CYP24A1: variants seen among roughly 807,000 people sequenced by gnomAD.
The protein encoded by CYP24A1 is cytochrome P450 family 24 subfamily A member 1, also known as 1,25-dihydroxyvitamin D(3) 24-hydroxylase, mitochondrial.
A neutral mutation model predicts 62.4 loss-of-function variants in CYP24A1; 68 were observed. The ratio of observed to expected loss-of-function variants is 1.09; its 90% CI spans 0.90 to 1.33. CYP24A1 has a LOEUF of 1.33. CYP24A1 is among the 40% of genes most tolerant of loss of function. The probability of loss-of-function intolerance (pLI) is 0.00; values close to 1 mark genes in which losing one functional copy is unlikely to be tolerated. For missense variants in CYP24A1, 787 were observed against 653.0 expected (o/e 1.21, Z -2.24); for synonymous variants, 267 against 253.0 (o/e 1.06, Z -0.52).
chr20:54,166,436 A>G (rs2092672316), intron 4 of CYP24A1, among the ~76,000 whole-genome samples: 3 of 152,102 alleles, frequency 2.0e-5, no homozygotes. Context: ...GAATACCTGA[A>G]TCCCCCGAAC....
chr20:54,148,638 A>AAAAC (rs142609177), downstream of CYP24A1, among the ~76,000 whole-genome samples: 2 of 152,186 alleles, frequency 1.3e-5, no homozygotes, highest in African/African-American at 2.4e-5. Flanking sequence ...ACAACATGTC[A>AAAAC]AAACAAACAA....
chr20:54,155,647 G>T (rs1300822932), intron 11 of CYP24A1, among the ~76,000 whole-genome samples: 1 of 149,580 alleles, frequency 6.7e-6, no homozygotes, highest in Non-Finnish European at 1.5e-5. Flanking sequence ...TGAGGCAGAA[G>T]AATCGCATGA....
At chr20:54,159,708 A>G (rs2092643419) in intron 7 of CYP24A1, among the ~76,000 whole-genome samples, 1 of 152,216 alleles carries the variant, frequency 6.6e-6, no homozygotes. Flanking sequence ...AGTTTGACGC[A>G]ATAATTGTTC....
At chr20:54,152,232 T>C (rs1479280519), downstream of CYP24A1, among the ~76,000 whole-genome samples, 1 of 152,170 alleles carries the variant, frequency 6.6e-6, no homozygotes, top group Non-Finnish European at 1.5e-5. Context: ...ACATGTAAAG[T>C]CTAGAAGTAT....
intron 4 of CYP24A1, 150 bp from the exon 5 acceptor site, chr20:54,165,983 G>C: frequency 2.4e-5 from 16 of 679,640 alleles, no homozygotes; most frequent in Admixed American, 9.5e-5. Context: ...TTGAGGAAAA[G>C]CAGAGTCTGA....
intron 8 of CYP24A1, among the ~76,000 whole-genome samples, 199 bp downstream of exon 8, chr20:54,158,758 C>T (rs2092638895): frequency 6.6e-6 from 1 of 152,148 alleles, no homozygotes; most frequent in Admixed American, 6.5e-5. Context: ...CACTGGCTTT[C>T]CAAGATTTAA....
chr20:54,152,816 G>A (rs1195403394), downstream of CYP24A1, among the ~76,000 whole-genome samples: 2 of 152,174 alleles, frequency 1.3e-5, no homozygotes, highest in Non-Finnish European at 2.9e-5. Flanking sequence ...GATGAGGCAT[G>A]ATCAGGTTTG....
chr20:54,157,610 T>G (rs753050813), intron 9 of CYP24A1, 25 bp from the exon 10 acceptor site: 1 of 1,345,424 alleles, frequency 7.4e-7, no homozygotes, highest in Non-Finnish European at 1.1e-6. Context: ...AGACACATAG[T>G]ATTTAAAATA....
At chr20:54,148,798 A>G (rs1209489748), downstream of CYP24A1, among the ~76,000 whole-genome samples, 2 of 152,216 alleles carry the variant, frequency 1.3e-5, no homozygotes, top group African/African-American at 4.8e-5. Flanking sequence ...GCTCGCACTG[A>G]CATAAATAGA....
At chr20:54,171,799 A>G (rs1156453089) in intron 2 of CYP24A1, 129 bp from the exon 3 acceptor site, 3 of 1,562,198 alleles carry the variant, frequency 1.9e-6, no homozygotes, top group South Asian at 1.2e-5. Flanking sequence ...AGAAATAGCC[A>G]GAGAATATTA....
In CYP24A1 at chr20:54,173,847, A is replaced by C; in HGVS notation, c.-268T>G. 3.7e-6 allele frequency: 2 copies of C among 536,938 alleles called. No homozygotes were observed. The highest frequency in any genetic ancestry group is 3.2e-5 in the Admixed American group (1 of 31,400). 33.3% of individuals were successfully genotyped at this position (536,938 alleles called of 1,614,324 possible). A position where few individuals can be genotyped will look rare whatever the true frequency, so the allele number is the denominator to read the frequency against. On this transcript the variant is annotated 5_prime_UTR_variant, in exon 1 of 12. Coordinates refer to ENST00000216862, the MANE Select transcript of CYP24A1 (RefSeq NM_000782.5). The surrounding 1 kb of genome is among the most constrained non-coding windows in gnomAD (Gnocchi z 7.2). ...GGAAGAGGGTGGCCGGTGTCTGGGG[A>C]CCTCTTGAAAAGGGAAAGCTGGGAG...
At position 54,164,548 on chromosome 20, in the gene CYP24A1, CA is replaced by C; in HGVS notation, c.747del (p.Phe249LeufsTer4). ...TCGACTGGAGTGACCATCATCCTCC[CA>C]AACGTGCTCATCATCTGAGAGAAAT... ...IMAIKTMMST[F>X]GRMMVTPVEL... On this transcript the variant is annotated frameshift_variant, in exon 6 of 12. Transcript: ENST00000216862. LOFTEE classifies it high-confidence loss of function. 6.2e-7 allele frequency: 1 copy of C among 1,614,192 alleles called. No homozygotes were observed. The highest frequency in any genetic ancestry group is 1.3e-5 in the African/African-American group (1 of 75,046).
intron 10 of CYP24A1, 36 bp from the exon 11 acceptor site, chr20:54,157,325 C>T: frequency 6.8e-7 from 1 of 1,474,808 alleles, no homozygotes; most frequent in South Asian, 1.1e-5. Flanking sequence ...AGAATTACCC[C>T]TCTCTTCTTC....
chr20:54,170,617 A>G (rs2092690720), intron 3 of CYP24A1, among the ~76,000 whole-genome samples: 1 of 152,238 alleles, frequency 6.6e-6, no homozygotes, highest in Admixed American at 6.5e-5. Flanking sequence ...TACTAGTTTA[A>G]AAATGTAAAT....
downstream of CYP24A1, among the ~76,000 whole-genome samples, chr20:54,148,801 T>TA (rs1399876917): frequency 1.3e-5 from 2 of 152,118 alleles, no homozygotes; most frequent in Non-Finnish European, 2.9e-5. Context: ...CGCACTGACA[T>TA]AAATAGACAT....
downstream of CYP24A1, among the ~76,000 whole-genome samples, chr20:54,153,296 G>T (rs2092615803): frequency 6.6e-6 from 1 of 152,210 alleles, no homozygotes; most frequent in African/African-American, 2.4e-5. Context: ...TAAACTTTCA[G>T]TAAAACTGCT....
At chr20:54,144,118 C>G in the CYP24A1 span, among the ~76,000 whole-genome samples, 1 of 152,134 alleles carries the variant, frequency 6.6e-6, no homozygotes, top group Non-Finnish European at 1.5e-5. Context: ...ACATGGCGGC[C>G]CCATGCTTAG....
At chr20:54,166,206 C>A (rs1459809093) in intron 4 of CYP24A1, among the ~76,000 whole-genome samples, 1 of 152,088 alleles carries the variant, frequency 6.6e-6, no homozygotes, top group Non-Finnish European at 1.5e-5. Context: ...TATCTCCTGA[C>A]ATAATGAATT....
At position 54,173,181 on chromosome 20, in the gene CYP24A1, C is replaced by T; in HGVS notation, c.259-82G>A. On this transcript the variant is annotated intron_variant, in intron 1 of 11. Transcript: ENST00000216862. The surrounding 1 kb of genome is among the most constrained non-coding windows in gnomAD (Gnocchi z 7.2). ...CGCTTTCCCTCCTCCCGCCTCCTTC[C>T]TCCTAGGGGACCGGGGACCCTCCCT... The T allele has an allele frequency of 6.4e-7, 1 of 1,552,334 alleles. No individual in the cohort carries two copies.
Sources: allele counts gnomAD v4.1 joint callset (sites outside exome capture counted in the v4.1 genomes callset), GRCh38; gene constraint gnomAD v4.1.1; non-coding constraint Gnocchi (gnomAD v3.1); transcripts MANE v1.5; gene names NCBI Gene and HGNC (gene_info 2026-07-23, HGNC 2026-07-21).